Variants in PLCG2 observed in about 807,000 individuals in gnomAD.
The protein encoded by PLCG2 is phospholipase C gamma 2, also known as 1-phosphatidylinositol 4,5-bisphosphate phosphodiesterase gamma-2.
A neutral mutation model predicts 175.6 loss-of-function variants in PLCG2; 69 were observed. The observed-to-expected ratio is 0.39, with a 90% CI of 0.32 to 0.48. The LOEUF (loss-of-function observed/expected upper bound fraction) is 0.48, where lower values mean the gene tolerates loss of function less well. Among genes scored for constraint, PLCG2 ranks in the 20% least tolerant of loss-of-function variants. The pLI is 0.91. For missense variants in PLCG2, 1,798 were observed against 1,650.9 expected (o/e 1.09, Z -1.54); for synonymous variants, 827 against 624.0 (o/e 1.33, Z -4.85).
chr16:81,961,462 A>T lies in PLCG2; in HGVS notation c.*3464A>T, dbSNP rs991904896. ...TTGATTCAGCTCAATCCAGAGGAAAATTTTAAAGGCTTACAGCCTTAGGAT... is the reference window on the plus strand; with the variant it reads ...TTGATTCAGCTCAATCCAGAGGAAATTTTTAAAGGCTTACAGCCTTAGGAT... On this transcript the variant is annotated 3_prime_UTR_variant, in exon 33 of 33. Transcript: ENST00000564138. 5 of 225,222 alleles carry T rather than the reference A, an allele frequency of 2.2e-5. No homozygotes were observed. Among genetic ancestry groups the T allele is most frequent in the Admixed American group, 5.7e-5 (1 of 17,490 alleles). 14.0% of individuals were successfully genotyped at this position (225,222 alleles called of 1,614,324 possible). A position where few individuals can be genotyped will look rare whatever the true frequency, so the allele number is the denominator to read the frequency against.
At chr16:81,916,455 T>C (rs890916296) in intron 19 of PLCG2, among the ~76,000 whole-genome samples, 29 of 152,224 alleles carry the variant, frequency 1.9e-4, no homozygotes, top group Non-Finnish European at 4.4e-5. Context: ...CTAGATGCTT[T>C]TCCTAATTTA....
intron 2 of PLCG2, among the ~76,000 whole-genome samples, chr16:81,795,638 A>C (rs557520750): frequency 1.3e-5 from 2 of 152,056 alleles, no homozygotes; most frequent in East Asian, 3.9e-4. Flanking sequence ...AGGATGGCTC[A>C]GGAGGTTGGA....
At chr16:81,814,774 C>T (rs1198460851) in intron 2 of PLCG2, among the ~76,000 whole-genome samples, 1 of 152,150 alleles carries the variant, frequency 6.6e-6, no homozygotes, top group Non-Finnish European at 1.5e-5. Flanking sequence ...TTTGTCCTGT[C>T]TCACTGTTCC....
intron 25 of PLCG2, among the ~76,000 whole-genome samples, chr16:81,933,366 T>G (rs1910582952): frequency 6.6e-6 from 1 of 152,110 alleles, no homozygotes; most frequent in African/African-American, 2.4e-5. Context: ...GCGGATAAAC[T>G]CTTTGTCACT....
At position 81,939,939 on chromosome 16, in the gene PLCG2, A is replaced by G; in HGVS notation, c.3361A>G (p.Thr1121Ala). ...CTGGGCTCCAACACAGGAGAAGGTGACATTTGAAATTTATGACCCAAACCT... is the reference window on the plus strand; with the variant it reads ...CTGGGCTCCAACACAGGAGAAGGTGGCATTTGAAATTTATGACCCAAACCT... ...PIWAPTQEKVTFEIYDPNLAF... is the reference protein window; with the variant it reads ...PIWAPTQEKVAFEIYDPNLAF... The change falls in exon 30 of 33, where the codon ACA becomes GCA. Residue 1121 changes from threonine (T) to alanine (A), a missense_variant. Coordinates refer to ENST00000564138, the MANE Select transcript of PLCG2 (RefSeq NM_002661.5). 6.2e-7 allele frequency: 1 copy of G among 1,614,052 alleles called. No individual in the cohort carries two copies. Among genetic ancestry groups the G allele is most frequent in the Non-Finnish European group, 8.5e-7 (1 of 1,179,882 alleles).
chr16:81,961,708 T>C lies in PLCG2; in HGVS notation c.*3710T>C, dbSNP rs1911782624. The C allele has an allele frequency of 4.8e-6, 1 of 207,680 alleles. No homozygotes were observed. The highest frequency in any genetic ancestry group is 2.3e-5 in the African/African-American group (1 of 43,864). The allele number at this position is 207,680 out of a possible 1,614,324, so 12.9% of individuals were successfully genotyped here. A position where few individuals can be genotyped will look rare whatever the true frequency, so the allele number is the denominator to read the frequency against. ...GTTCATAAAATTTTTAAAAAGATCA[T>C]AGTATCTATCAAATAACTTATATTA... On this transcript the variant is annotated 3_prime_UTR_variant, in exon 33 of 33. Coordinates refer to ENST00000564138, the MANE Select transcript of PLCG2 (RefSeq NM_002661.5).
At chr16:81,842,894 G>T in intron 2 of PLCG2, 1 of 151,408 alleles carries the variant, frequency 6.6e-6, no homozygotes. Flanking sequence ...GAGGGCTGAG[G>T]GAGGGTGGCT....
chr16:81,943,325 G>T (rs1267726195), intron 30 of PLCG2, among the ~76,000 whole-genome samples: 1 of 152,160 alleles, frequency 6.6e-6, no homozygotes, highest in African/African-American at 2.4e-5. Context: ...TACAATCCTG[G>T]TAGAAGGGGA....
chr16:81,878,970 G>A lies in PLCG2; in HGVS notation c.649-1940G>A, dbSNP rs191209940. Among the ~76,000 whole-genome samples the A allele has an allele frequency of 4.7e-4, 71 of 152,222 alleles. 1 individual carries two copies. Among genetic ancestry groups the A allele is most frequent in the African/African-American group, 1.6e-3 (68 of 41,530 alleles). Reference sequence around the variant, plus strand: ...GGTTGCTTCAACAAGCAGAGTGTCCGGGCAGGGAGTTGCAAGACCTGGCAG... The same window carrying A: ...GGTTGCTTCAACAAGCAGAGTGTCCAGGCAGGGAGTTGCAAGACCTGGCAG... On this transcript the variant is annotated intron_variant, in intron 7 of 32. Transcript: ENST00000564138.
upstream of PLCG2, among the ~76,000 whole-genome samples, chr16:81,777,977 A>G (rs58271299): frequency 7.2e-6 from 1 of 139,210 alleles, no homozygotes; most frequent in African/African-American, 2.7e-5. Flanking sequence ...AGATCGTGCC[A>G]CTGCACTCCA....
chr16:81,858,126 T>C (rs1405989298), intron 3 of PLCG2, 137 bp from the exon 4 acceptor site: 3 of 695,360 alleles, frequency 4.3e-6, no homozygotes, highest in Non-Finnish European at 7.9e-6. Context: ...TGAAAGGGGA[T>C]GCTTTCTTTG....
At chr16:81,902,551 G>C (rs191204163) in intron 14 of PLCG2, among the ~76,000 whole-genome samples, 70 of 152,092 alleles carry the variant, frequency 4.6e-4, no homozygotes, top group African/African-American at 1.7e-3. Flanking sequence ...TTTTATAAGG[G>C]CACCATTCCC....
chr16:81,800,070 T>G (rs1313387442), intron 2 of PLCG2, among the ~76,000 whole-genome samples: 1 of 152,196 alleles, frequency 6.6e-6, no homozygotes, highest in Non-Finnish European at 1.5e-5. Flanking sequence ...ATCTGTAAAA[T>G]AGGATAATAA....
intron 2 of PLCG2, among the ~76,000 whole-genome samples, chr16:81,846,023 G>A (rs753781443): frequency 6.2e-4 from 94 of 152,290 alleles, no homozygotes; most frequent in Middle Eastern, 3.4e-3. Context: ...TTCTTGTGAG[G>A]AACGATGAGT....
chr16:81,928,666 C>A (rs374115335), intron 24 of PLCG2, 42 bp downstream of exon 24: 13 of 1,368,140 alleles, frequency 9.5e-6, no homozygotes, highest in Non-Finnish European at 1.4e-5. Context: ...CCACCCCTAT[C>A]CCCCATGGGC....
At chr16:81,784,103 TGG>T (rs1483000968) in intron 1 of PLCG2, among the ~76,000 whole-genome samples, 2 of 152,142 alleles carry the variant, frequency 1.3e-5, no homozygotes, top group Non-Finnish European at 2.9e-5. Flanking sequence ...TGTTTCCCCA[TGG>T]GCAGAGAGCA....
intron 1 of PLCG2, among the ~76,000 whole-genome samples, chr16:81,740,930 C>G (rs1354260114): frequency 2.6e-5 from 4 of 152,142 alleles, no homozygotes; most frequent in Admixed American, 1.3e-4. Context: ...AGAATCCTCC[C>G]TGGAATTCCC....
rs543220131 is a variant in PLCG2 at position 81,750,663 on chromosome 16, A to ATTTTTTTTTTTTTTTTT, written c.-144-5201_-144-5185dup. ...TTAAAAAGCAGAATGGGGACTGGAG[A>ATTTTTTTTTTTTTTTTT]TTTTTTTTTTTTTTTTTTTTTTGAG... On this transcript the variant is annotated intron_variant, in intron 1 of 5. Coordinates refer to the PLCG2 transcript ENST00000565054. 1.4e-3 allele frequency among the ~76,000 whole-genome samples: 99 copies of ATTTTTTTTTTTTTTTTT among 68,458 alleles called. 21 individuals carry two copies. Among genetic ancestry groups the ATTTTTTTTTTTTTTTTT allele is most frequent in the East Asian group, 4.9e-3 (8 of 1,624 alleles). 44.9% of individuals were successfully genotyped at this position (68,458 alleles called of 152,430 possible).
chr16:81,859,093 T>G (rs1906832145), intron 4 of PLCG2, 23 bp from the exon 5 acceptor site: 1 of 1,474,736 alleles, frequency 6.8e-7, no homozygotes, highest in African/African-American at 1.4e-5. Flanking sequence ...TCTCTCTTTC[T>G]TTTGTCTCAT....
Sources: allele counts gnomAD v4.1 joint callset (sites outside exome capture counted in the v4.1 genomes callset), GRCh38; gene constraint gnomAD v4.1.1; transcripts MANE v1.5; gene names NCBI Gene and HGNC (gene_info 2026-07-23, HGNC 2026-07-21).